AGFG1: variants seen among roughly 807,000 people sequenced by gnomAD.
AGFG1 encodes the protein arf-GAP domain and FG repeat-containing protein 1.
Under a neutral mutation model 60.6 loss-of-function variants are expected in AGFG1, and 10 were observed. That is an observed-to-expected ratio of 0.16 (90% CI 0.10 to 0.28). AGFG1 has a LOEUF of 0.28. Ranked by LOEUF, AGFG1 falls within the 10% of genes least tolerant of loss-of-function variation. AGFG1 has a pLI of 1.00. For synonymous variants in AGFG1, 247 were observed against 242.9 expected (o/e 1.02, Z -0.16); for missense variants, 537 against 676.5 (o/e 0.79, Z 2.29).
chr2:227,482,389 T>G (rs1029811936), intron 1 of AGFG1, among the ~76,000 whole-genome samples: 31 of 152,246 alleles, frequency 2.0e-4, no homozygotes, highest in African/African-American at 7.2e-4. Flanking sequence ...AGACGAATAT[T>G]TTGGACTAGC....
At chr2:227,500,421 G>A (rs2106181377) in intron 2 of AGFG1, among the ~76,000 whole-genome samples, 1 of 152,270 alleles carries the variant, frequency 6.6e-6, no homozygotes, top group South Asian at 2.1e-4. Flanking sequence ...GGTGAGCAGT[G>A]GTTCACCAGC....
chr2:227,495,502 TGCAACTGCACACCA>T (rs1690946170), intron 2 of AGFG1, among the ~76,000 whole-genome samples: 1 of 147,328 alleles, frequency 6.8e-6, no homozygotes, highest in African/African-American at 2.5e-5. Flanking sequence ...GTCATGATCA[TGCAACTGCACACCA>T]GCCTCGGTGA....
intron 2 of AGFG1, among the ~76,000 whole-genome samples, chr2:227,503,775 G>A (rs935538807): frequency 2.6e-5 from 4 of 152,148 alleles, no homozygotes; most frequent in Admixed American, 2.6e-4. Context: ...TTGATAAATT[G>A]TACTTTTCAG....
At chr2:227,506,885 TTCTCCC>T (rs1356324966) in intron 2 of AGFG1, among the ~76,000 whole-genome samples, 1 of 152,232 alleles carries the variant, frequency 6.6e-6, no homozygotes, top group Non-Finnish European at 1.5e-5. Context: ...CGTTCCTCTG[TTCTCCC>T]AGTTACCTAT....
At position 227,524,758 on chromosome 2, in the gene AGFG1, G is replaced by A; in HGVS notation, c.541-4G>A. 6.2e-7 allele frequency: 1 copy of A among 1,613,936 alleles called. No individual in the cohort carries two copies. Among genetic ancestry groups the A allele is most frequent in the South Asian group, 1.1e-5 (1 of 91,080 alleles). Reference sequence around the variant, plus strand: ...TATCTTTATAGTTAATATGTGGTTTGTAGTCCCCAGTTGTAGGTCGTTCTC... The same window carrying A: ...TATCTTTATAGTTAATATGTGGTTTATAGTCCCCAGTTGTAGGTCGTTCTC... On this transcript the variant is annotated splice_polypyrimidine_tract_variant and splice_region_variant and intron_variant, in intron 4 of 12. Coordinates refer to ENST00000310078, the MANE Select transcript of AGFG1 (RefSeq NM_004504.5).
intron 3 of AGFG1, 130 bp from the exon 4 acceptor site, chr2:227,523,633 C>G (rs1691888917): frequency 2.5e-6 from 2 of 803,840 alleles, no homozygotes; most frequent in Non-Finnish European, 1.9e-6. Context: ...CAAAGTTATT[C>G]TGTGTGAGAG....
chr2:227,526,008 A>G (rs1691978276), intron 5 of AGFG1, among the ~76,000 whole-genome samples: 1 of 152,204 alleles, frequency 6.6e-6, no homozygotes, highest in Admixed American at 6.5e-5. Flanking sequence ...TTTCCATCAG[A>G]TATCAGAATA....
intron 2 of AGFG1, among the ~76,000 whole-genome samples, chr2:227,513,296 A>G (rs1376705974): frequency 6.6e-6 from 1 of 152,202 alleles, no homozygotes; most frequent in Non-Finnish European, 1.5e-5. Context: ...TTCTCACTCC[A>G]GTCTTTTCCC....
intron 1 of AGFG1, among the ~76,000 whole-genome samples, chr2:227,485,817 C>T (rs1690617185): frequency 6.6e-6 from 1 of 152,010 alleles, no homozygotes; most frequent in Non-Finnish European, 1.5e-5. Context: ...ATTTTTACTC[C>T]ATCTTTCATT....
intron 10 of AGFG1, among the ~76,000 whole-genome samples, chr2:227,547,826 G>A (rs1559200561): frequency 6.6e-6 from 1 of 152,178 alleles, no homozygotes; most frequent in Non-Finnish European, 1.5e-5. Context: ...TAACCTAACA[G>A]AGTGCCACTA....
chr2:227,502,407 G>A (rs1472887950), intron 2 of AGFG1, among the ~76,000 whole-genome samples: 10 of 151,970 alleles, frequency 6.6e-5, no homozygotes, highest in African/African-American at 2.4e-4. Context: ...TGCAACCTCC[G>A]CCTTCTGGGT....
At chr2:227,530,550 C>T (rs1383665702) in intron 5 of AGFG1, among the ~76,000 whole-genome samples, 1 of 151,940 alleles carries the variant, frequency 6.6e-6, no homozygotes, top group Non-Finnish European at 1.5e-5. Context: ...TGAATATCTT[C>T]AATTTATTTG....
chr2:227,493,478 C>A (rs1690879994), intron 2 of AGFG1, among the ~76,000 whole-genome samples: 1 of 152,104 alleles, frequency 6.6e-6, no homozygotes, highest in African/African-American at 2.4e-5. Context: ...TCATGTATGG[C>A]AGGATTTCTG....
chr2:227,484,264 C>T (rs1351283502), intron 1 of AGFG1, among the ~76,000 whole-genome samples: 1 of 152,090 alleles, frequency 6.6e-6, no homozygotes, highest in Non-Finnish European at 1.5e-5. Flanking sequence ...TCTCGGCTCA[C>T]TGCAACCTCT....
intron 1 of AGFG1, among the ~76,000 whole-genome samples, chr2:227,489,157 G>T (rs1690723390): frequency 6.7e-6 from 1 of 149,570 alleles, no homozygotes; most frequent in Non-Finnish European, 1.5e-5. Flanking sequence ...CTTATTTTAT[G>T]ATTGCAAGCT....
intron 10 of AGFG1, among the ~76,000 whole-genome samples, chr2:227,540,744 AGTTC>A (rs1294223212): frequency 6.6e-6 from 1 of 152,140 alleles, no homozygotes; most frequent in Non-Finnish European, 1.5e-5. Flanking sequence ...TGGTATTTCT[AGTTC>A]TAGATCCCTG....
chr2:227,524,433 C>T (rs1691923735), intron 4 of AGFG1, among the ~76,000 whole-genome samples: 1 of 152,136 alleles, frequency 6.6e-6, no homozygotes. Flanking sequence ...TCATAAGTTG[C>T]TACCTAAAGT....
rs1375225063 is a variant in AGFG1 at position 227,472,351 on chromosome 2, G to A, written c.-71G>A. 3 of 984,416 alleles carry A rather than the reference G, an allele frequency of 3.0e-6. No individual in the cohort carries two copies. The highest frequency in any genetic ancestry group is 3.5e-5 in the African/African-American group (2 of 56,764). The allele number at this position is 984,416 out of a possible 1,614,324, so 61.0% of individuals were successfully genotyped here. A position where few individuals can be genotyped will look rare whatever the true frequency, so the allele number is the denominator to read the frequency against. On this transcript the variant is annotated 5_prime_UTR_variant, in exon 1 of 13. Coordinates refer to ENST00000310078, the MANE Select transcript of AGFG1 (RefSeq NM_004504.5). ...GCGGCCGCGGCCAGGGCGGCCCGTGGGACCGCGGGCCCCCGGCGCAGCGCT... is the reference window on the plus strand; with the variant it reads ...GCGGCCGCGGCCAGGGCGGCCCGTGAGACCGCGGGCCCCCGGCGCAGCGCT...
At chr2:227,492,746 A>G (rs1293024648) in intron 2 of AGFG1, among the ~76,000 whole-genome samples, 3 of 152,118 alleles carry the variant, frequency 2.0e-5, no homozygotes, top group Non-Finnish European at 4.4e-5. Context: ...ATGACAAATT[A>G]TTTTGAGTAT....
Sources: allele counts gnomAD v4.1 joint callset (sites outside exome capture counted in the v4.1 genomes callset), GRCh38; gene constraint gnomAD v4.1.1; transcripts MANE v1.5; gene names NCBI Gene and HGNC (gene_info 2026-07-23, HGNC 2026-07-21).